The following PTPRN2 variants were observed in gnomAD, a reference collection of about 807,000 sequenced individuals.
The protein encoded by PTPRN2 is protein tyrosine phosphatase receptor type N2, also known as receptor-type tyrosine-protein phosphatase N2.
In PTPRN2, 74 loss-of-function variants were observed where a neutral mutation model predicts 118.8. The ratio of observed to expected loss-of-function variants is 0.62; its 90% CI spans 0.52 to 0.76. The LOEUF (loss-of-function observed/expected upper bound fraction) is 0.76. PTPRN2 is among the 30% of genes least tolerant of loss of function. The pLI, the probability that PTPRN2 is intolerant of heterozygous loss-of-function variation, is 0.00. For synonymous variants in PTPRN2, 641 were observed against 608.0 expected (o/e 1.05, Z -0.80); for missense variants, 1,481 against 1,394.4 (o/e 1.06, Z -0.99).
chr7:157,755,206 A>C (rs1801710315), intron 12 of PTPRN2, among the ~76,000 whole-genome samples: 1 of 152,218 alleles, frequency 6.6e-6, no homozygotes, highest in South Asian at 2.1e-4. Context: ...TTTACTCTTA[A>C]AAATCTTTAT....
chr7:157,692,452 G>C (rs1042638214), intron 12 of PTPRN2, among the ~76,000 whole-genome samples: 1 of 152,250 alleles, frequency 6.6e-6, no homozygotes, highest in Non-Finnish European at 1.5e-5. Flanking sequence ...GCCCCAGGGG[G>C]CAGGGCTCAG....
At chr7:158,336,587 C>T (rs1176804204) in intron 2 of PTPRN2, among the ~76,000 whole-genome samples, 1 of 142,926 alleles carries the variant, frequency 7.0e-6, no homozygotes, top group Admixed American at 7.0e-5. Context: ...CACCTGCAGA[C>T]GTCATTCACA....
At chr7:158,550,133 G>A (rs971268686) in intron 1 of PTPRN2, among the ~76,000 whole-genome samples, 3 of 152,244 alleles carry the variant, frequency 2.0e-5, no homozygotes, top group African/African-American at 7.2e-5. Context: ...TGTGCTCTGA[G>A]GGCTGCGCAC....
intron 12 of PTPRN2, among the ~76,000 whole-genome samples, chr7:157,755,683 A>G (rs1212187799): frequency 6.6e-6 from 1 of 152,118 alleles, no homozygotes; most frequent in Non-Finnish European, 1.5e-5. Flanking sequence ...CTGGGTACCC[A>G]TGGACACAAA....
Position 158,579,012 on chromosome 7 carries a change from C to G in PTPRN2, c.112+8546G>C, listed in dbSNP as rs1296278183. Among the ~76,000 whole-genome samples the G allele has an allele frequency of 2.6e-5, 4 of 152,304 alleles. No individual in the cohort carries two copies. In the East Asian group the frequency reaches 7.7e-4, roughly 29 times the overall value. On this transcript the variant is annotated intron_variant, in intron 1 of 22. Transcript: ENST00000389418. ...TCCTGACCTCAGATGATCTGCCCAC[C>G]TCAGCCTCCCGAAGTGCTGGGATTA...
rs1240832350 is a variant in PTPRN2 at position 157,845,126 on chromosome 7, C to T, written c.1788+53547G>A. Among the ~76,000 whole-genome samples, 1 of 152,142 alleles carries T rather than the reference C, an allele frequency of 6.6e-6. No individual in the cohort carries two copies. Among genetic ancestry groups the T allele is most frequent in the African/African-American group, 2.4e-5 (1 of 41,420 alleles). On this transcript the variant is annotated intron_variant, in intron 12 of 22. Coordinates refer to ENST00000389418, the MANE Select transcript of PTPRN2 (RefSeq NM_002847.5). The surrounding 1 kb of genome is among the most constrained non-coding windows in gnomAD (Gnocchi z 4.5). Reference sequence around the variant, plus strand: ...GCAGCCCTGACCTCACGTTGGTCCACGACGGGCAGAGAGCAACTTGGATGG... The same window carrying T: ...GCAGCCCTGACCTCACGTTGGTCCATGACGGGCAGAGAGCAACTTGGATGG...
chr7:158,391,253 C>T (rs943463464), intron 2 of PTPRN2, among the ~76,000 whole-genome samples: 11 of 152,302 alleles, frequency 7.2e-5, no homozygotes, highest in Middle Eastern at 3.4e-3. Flanking sequence ...GGCCAATGGC[C>T]GAGGAGAAAG....
chr7:158,312,420 AC>A, intron 3 of PTPRN2, among the ~76,000 whole-genome samples: 1 of 2,332 alleles, frequency 4.3e-4, no homozygotes, highest in Admixed American at 5.4e-3. Context: ...ATGTAGACAT[AC>A]ACACACATGC....
chr7:157,808,164 G>T lies in PTPRN2; in HGVS notation c.1788+90509C>A, dbSNP rs1321138893. Among the ~76,000 whole-genome samples, 1 of 150,446 alleles carries T rather than the reference G, an allele frequency of 6.6e-6. No individual in the cohort carries two copies. The highest frequency in any genetic ancestry group is 2.5e-5 in the African/African-American group (1 of 39,828). On this transcript the variant is annotated intron_variant, in intron 12 of 22. Transcript: ENST00000389418. The surrounding 1 kb of genome is among the most constrained non-coding windows in gnomAD (Gnocchi z 5.0). ...AGTCTGTGGCCTGTTAGGAACTGGG[G>T]TGCACAGCAGGAGGTGAGTGGTGGG... is the stretch of plus-strand genomic sequence containing the variant.
rs147033341 is a variant in PTPRN2, at chr7:157,763,977, C to T, written c.1789-81040G>A. 1.3e-5 allele frequency among the ~76,000 whole-genome samples: 2 copies of T among 152,242 alleles called. No homozygotes were observed. Among genetic ancestry groups the T allele is most frequent in the East Asian group, 1.9e-4 (1 of 5,170 alleles). On this transcript the variant is annotated intron_variant, in intron 12 of 22. Transcript: ENST00000389418. This position sits in a 1 kb window ranked among gnomAD's most constrained non-coding sequence, Gnocchi z 4.9. ...ATGTTCGTTTGATCTTCATGATGTC[C>T]GTGAACACAGGGAAGCTTTAGTCGC... is the stretch of plus-strand genomic sequence containing the variant.
At chr7:157,979,530 T>A (rs1344066367) in intron 11 of PTPRN2, among the ~76,000 whole-genome samples, 1 of 152,194 alleles carries the variant, frequency 6.6e-6, no homozygotes, top group Non-Finnish European at 1.5e-5. Flanking sequence ...CACATGACAG[T>A]CCTCTAATGC....
intron 1 of PTPRN2, among the ~76,000 whole-genome samples, chr7:158,494,264 G>A (rs1299701906): frequency 6.6e-6 from 1 of 152,204 alleles, no homozygotes; most frequent in Non-Finnish European, 1.5e-5. Context: ...CTGTGGCCAA[G>A]GCAGACATGG....
intron 13 of PTPRN2, 58 bp from the exon 14 acceptor site, chr7:157,656,609 A>G: frequency 7.1e-7 from 1 of 1,416,762 alleles, no homozygotes; most frequent in Non-Finnish European, 9.5e-7. Flanking sequence ...ACCCAGCAGG[A>G]CGAGGGCCAC....
chr7:158,127,338 T>A (rs1817779810), intron 9 of PTPRN2, among the ~76,000 whole-genome samples: 1 of 151,892 alleles, frequency 6.6e-6, no homozygotes, highest in African/African-American at 2.4e-5. Context: ...GCGCCCTGCA[T>A]CCTCTGCACG....
intron 2 of PTPRN2, among the ~76,000 whole-genome samples, chr7:158,425,378 C>T (rs1235288579): frequency 3.9e-5 from 4 of 102,422 alleles, no homozygotes; most frequent in African/African-American, 1.8e-4. Flanking sequence ...CCGAGTCCAG[C>T]CTAGCTGAGG....
intron 11 of PTPRN2, among the ~76,000 whole-genome samples, chr7:157,996,847 TATGAC>T (rs1456036321): frequency 6.6e-6 from 1 of 152,202 alleles, no homozygotes; most frequent in East Asian, 1.9e-4. Context: ...GGGGACCATG[TATGAC>T]CTGAGCCATC....
Position 158,529,361 on chromosome 7 carries a change from G to A in PTPRN2, c.113-39576C>T, listed in dbSNP as rs1825040604. On this transcript the variant is annotated intron_variant, in intron 1 of 22. Transcript: ENST00000389418. The surrounding 1 kb of genome is among the most constrained non-coding windows in gnomAD (Gnocchi z 4.7). The stretch of plus-strand genomic sequence containing the variant: ...GCTGACACGCCCCAGAGCAAGCATT[G>A]GCTGTGTCGGCAGAGGAAGGTGGGA... Among the ~76,000 whole-genome samples the A allele has an allele frequency of 6.6e-6, 1 of 152,216 alleles. No individual in the cohort carries two copies. The highest frequency in any genetic ancestry group is 2.1e-4 in the South Asian group (1 of 4,830).
At chr7:158,573,894 A>T (rs4259367) in intron 1 of PTPRN2, among the ~76,000 whole-genome samples, 31,966 of 152,088 alleles carry the variant, frequency 0.21, 3,653 homozygotes, top group East Asian at 0.42. Context: ...TGCAATTTCC[A>T]TGGGCCTGTG....
chr7:158,513,240 ACAT>A (rs1823302140), intron 1 of PTPRN2, among the ~76,000 whole-genome samples: 1 of 152,198 alleles, frequency 6.6e-6, no homozygotes. Flanking sequence ...GAACTCAAAC[ACAT>A]CAGACAAATC....
Sources: allele counts gnomAD v4.1 joint callset (sites outside exome capture counted in the v4.1 genomes callset), GRCh38; gene constraint gnomAD v4.1.1; non-coding constraint Gnocchi (gnomAD v3.1); transcripts MANE v1.5; gene names NCBI Gene and HGNC (gene_info 2026-07-23, HGNC 2026-07-21).